The following SGCZ variants were observed in gnomAD, a reference collection of about 807,000 sequenced individuals.
SGCZ encodes sarcoglycan zeta.
SGCZ carries 40 observed loss-of-function variants against 41.3 expected under a neutral mutation model. The observed-to-expected ratio is 0.97, with a 90% CI of 0.75 to 1.26. The LOEUF is 1.26. Among genes scored for constraint, SGCZ ranks in the 50% most tolerant of loss-of-function variants. The pLI, the probability that SGCZ is intolerant of heterozygous loss-of-function variation, is 0.00. For missense variants in SGCZ, 552 were observed against 369.8 expected (o/e 1.49, Z -4.04); for synonymous variants, 206 against 137.5 (o/e 1.50, Z -3.49).
intron 1 of SGCZ, among the ~76,000 whole-genome samples, chr8:14,729,644 AAATCAATCAATCAATC>A (rs56104484): frequency 2.0e-5 from 3 of 150,748 alleles, no homozygotes; most frequent in Non-Finnish European, 4.4e-5. Context: ...AGAGCGTTAA[AAATCAATCAATCAATC>A]AATCAATCAA....
intron 1 of SGCZ, among the ~76,000 whole-genome samples, chr8:14,942,081 G>C (rs1205589587): frequency 6.6e-6 from 1 of 151,940 alleles, no homozygotes; most frequent in Non-Finnish European, 1.5e-5. Flanking sequence ...CCCAGCAGGA[G>C]ACATGCCCTG....
chr8:14,244,768 T>G (rs1325966763), intron 3 of SGCZ, among the ~76,000 whole-genome samples: 2 of 152,106 alleles, frequency 1.3e-5, no homozygotes, highest in Non-Finnish European at 2.9e-5. Flanking sequence ...TTTTATGTCA[T>G]TGATCAGTGG....
chr8:14,422,738 G>C (rs752939344), intron 2 of SGCZ, among the ~76,000 whole-genome samples: 7 of 152,302 alleles, frequency 4.6e-5, no homozygotes, highest in Middle Eastern at 3.4e-3. Flanking sequence ...AATACAGAAG[G>C]CTTGCTTTTG....
intron 1 of SGCZ, among the ~76,000 whole-genome samples, chr8:15,182,338 G>C (rs1163475287): frequency 6.6e-6 from 1 of 152,056 alleles, no homozygotes; most frequent in Non-Finnish European, 1.5e-5. Context: ...ATACGTTCCT[G>C]AAAAAGCATC....
intron 1 of SGCZ, among the ~76,000 whole-genome samples, chr8:15,054,297 G>C (rs914285853): frequency 6.6e-6 from 1 of 152,080 alleles, no homozygotes; most frequent in African/African-American, 2.4e-5. Context: ...ATTCATATGA[G>C]TCAGTTCAGC....
chr8:14,875,394 A>C lies in SGCZ; in HGVS notation c.40-320468T>G, dbSNP rs919381789. ...TATTAAGGACTAGGTCTCAACATGA[A>C]TTTTGGAGGGGACATACATTCAAAC... On this transcript the variant is annotated intron_variant, in intron 1 of 7. Transcript: ENST00000382080. 2.0e-5 allele frequency among the ~76,000 whole-genome samples: 3 copies of C among 152,174 alleles called. No homozygotes were observed. The East Asian group carries it at 5.8e-4, about 29-fold the overall frequency.
chr8:15,095,724 T>C (rs999244236), intron 1 of SGCZ, among the ~76,000 whole-genome samples: 9 of 152,178 alleles, frequency 5.9e-5, no homozygotes, highest in African/African-American at 1.9e-4. Context: ...AGCAGTGTGC[T>C]AAAGTAACAC....
chr8:14,939,193 A>C (rs984665394), intron 1 of SGCZ, among the ~76,000 whole-genome samples: 2 of 152,082 alleles, frequency 1.3e-5, no homozygotes, highest in African/African-American at 4.8e-5. Context: ...GAACACTAAC[A>C]CTCAAAGATA....
chr8:14,127,233 C>T (rs1212763315), intron 5 of SGCZ, among the ~76,000 whole-genome samples: 1 of 152,080 alleles, frequency 6.6e-6, no homozygotes, highest in Non-Finnish European at 1.5e-5. Context: ...AGGTCTGGTT[C>T]CCGTTCTGCC....
chr8:14,853,881 C>T (rs1228265750), intron 1 of SGCZ, among the ~76,000 whole-genome samples: 1 of 151,830 alleles, frequency 6.6e-6, no homozygotes, highest in African/African-American at 2.4e-5. Context: ...ATGACTACAG[C>T]TTATCCTAAG....
rs114127981 is a variant in SGCZ, at chr8:14,201,911, A to G, written c.424+35681T>C. On this transcript the variant is annotated intron_variant, in intron 4 of 7. Transcript: ENST00000382080. ...TAGGTCTATCTTTTGCAAAAGGTGT[A>G]CTATCTTTGTAACTTTTTAAAATAT... Among the ~76,000 whole-genome samples the G allele has an allele frequency of 3.2e-3, 489 of 152,352 alleles. 5 individuals carry two copies. Among genetic ancestry groups the G allele is most frequent in the African/African-American group, 0.011 (465 of 41,590 alleles).
intron 1 of SGCZ, among the ~76,000 whole-genome samples, chr8:14,770,012 C>T (rs1800183819): frequency 6.6e-6 from 1 of 151,644 alleles, no homozygotes; most frequent in Admixed American, 6.6e-5. Flanking sequence ...ACCATGCTCC[C>T]TTGTGTCTTC....
At chr8:14,565,033 G>A (rs1804317449) in intron 1 of SGCZ, among the ~76,000 whole-genome samples, 1 of 151,946 alleles carries the variant, frequency 6.6e-6, no homozygotes, top group Admixed American at 6.6e-5. Flanking sequence ...CCTAGCAACT[G>A]AATTTCAAGA....
chr8:14,407,311 CA>C (rs1411861500), intron 2 of SGCZ, among the ~76,000 whole-genome samples: 1 of 151,978 alleles, frequency 6.6e-6, no homozygotes, highest in Non-Finnish European at 1.5e-5. Flanking sequence ...TCAAGCGATC[CA>C]AGGTTTCTTA....
At chr8:15,042,500 T>C (rs937468885) in intron 1 of SGCZ, among the ~76,000 whole-genome samples, 1 of 152,190 alleles carries the variant, frequency 6.6e-6, no homozygotes, top group Non-Finnish European at 1.5e-5. Flanking sequence ...ATATTTCCTC[T>C]AAATTAGCAA....
intron 1 of SGCZ, among the ~76,000 whole-genome samples, chr8:15,166,918 G>C (rs112874195): frequency 6.6e-6 from 1 of 152,154 alleles, no homozygotes; most frequent in Non-Finnish European, 1.5e-5. Flanking sequence ...AAATGTTCAT[G>C]AATATCAAGC....
At chr8:15,212,262 A>T (rs1801257837) in intron 1 of SGCZ, among the ~76,000 whole-genome samples, 1 of 152,160 alleles carries the variant, frequency 6.6e-6, no homozygotes, top group South Asian at 2.1e-4. Flanking sequence ...TCCTACACCA[A>T]CACTGGCCAA....
At chr8:15,118,298 T>C (rs1269679268) in intron 1 of SGCZ, among the ~76,000 whole-genome samples, 2 of 152,236 alleles carry the variant, frequency 1.3e-5, no homozygotes, top group African/African-American at 4.8e-5. Context: ...AAGAGAATAA[T>C]TGTATTTTGA....
At chr8:14,779,310 T>G (rs1184470160) in intron 1 of SGCZ, among the ~76,000 whole-genome samples, 1 of 152,220 alleles carries the variant, frequency 6.6e-6, no homozygotes, top group Non-Finnish European at 1.5e-5. Context: ...TGCCATGTTA[T>G]GAGAACACTC....
Sources: allele counts gnomAD v4.1 joint callset (sites outside exome capture counted in the v4.1 genomes callset), GRCh38; gene constraint gnomAD v4.1.1; transcripts MANE v1.5; gene names NCBI Gene and HGNC (gene_info 2026-07-23, HGNC 2026-07-21).